CIITA: variants seen among roughly 807,000 people sequenced by gnomAD.
CIITA encodes the protein class II major histocompatibility complex transactivator.
In CIITA, 72 loss-of-function variants were observed where a neutral mutation model predicts 115.1. The ratio of observed to expected loss-of-function variants is 0.63; its 90% confidence interval spans 0.52 to 0.76. The LOEUF (loss-of-function observed/expected upper bound fraction) is 0.76. Ranked by LOEUF, CIITA falls within the 30% of genes least tolerant of loss-of-function variation. The pLI is 0.00. For missense variants in CIITA, 1,617 were observed against 1,463.8 expected (o/e 1.10, Z -1.71); for synonymous variants, 763 against 635.6 (o/e 1.20, Z -3.02).
intron 3 of CIITA, 73 bp from the exon 4 acceptor site, chr16:10,898,597 G>T: frequency 6.9e-7 from 1 of 1,447,470 alleles, no homozygotes; most frequent in South Asian, 1.2e-5. Context: ...AGGTTCCCCA[G>T]CCCAAGGCCT....
intron 1 of CIITA, among the ~76,000 whole-genome samples, chr16:10,880,605 C>T (rs1183223983): frequency 6.6e-6 from 1 of 152,216 alleles, no homozygotes; most frequent in Admixed American, 6.5e-5. Context: ...GGGCAGGTCC[C>T]AGGCAGTCAG....
rs1275549770 is a variant in CIITA, at chr16:10,910,749, A to G, written c.2888+490A>G. On this transcript the variant is annotated intron_variant, in intron 13 of 19. Transcript: ENST00000324288. ...CAACCTTCCATAGGAGGATGCCACT[A>G]TGACTATGGAGTCCTTTTCCCTCCT... Among the ~76,000 whole-genome samples the G allele has an allele frequency of 9.2e-5, 14 of 152,330 alleles. No homozygotes were observed. The East Asian group carries it at 1.9e-3, about 21-fold the overall frequency.
intron 1 of CIITA, among the ~76,000 whole-genome samples, chr16:10,894,044 C>T (rs956843431): frequency 6.6e-4 from 100 of 151,978 alleles, no homozygotes; most frequent in African/African-American, 2.4e-3. Flanking sequence ...TAGAGATAGG[C>T]TTTTGCTATG....
Position 10,917,481 on chromosome 16 carries a change from A to ATTTT in CIITA, c.3063-944_3063-941dup, listed in dbSNP as rs36011152. On this transcript the variant is annotated intron_variant, in intron 15 of 19. Coordinates refer to ENST00000324288, the MANE Select transcript of CIITA (RefSeq NM_000246.4). The stretch of plus-strand genomic sequence containing the variant: ...GAGTCACTGTGCCTGGTTCAATGGG[A>ATTTT]TTTTTTTTTTTTTTTTTTGACACGG... Among the ~76,000 whole-genome samples the ATTTT allele has an allele frequency of 6.8e-5, 9 of 132,822 alleles. No homozygotes were observed. The East Asian group carries it at 6.9e-4, about 10-fold the overall frequency. 87.1% of individuals were successfully genotyped at this position (132,822 alleles called of 152,430 possible).
chr16:10,885,632 C>G (rs886313742), intron 1 of CIITA, among the ~76,000 whole-genome samples: 2 of 152,178 alleles, frequency 1.3e-5, no homozygotes, highest in Non-Finnish European at 2.9e-5. Flanking sequence ...GCTTCTTCCT[C>G]TACATCCAGC....
At chr16:10,876,165 CA>C (rs1413631431), upstream of CIITA, among the ~76,000 whole-genome samples, 4 of 151,672 alleles carry the variant, frequency 2.6e-5, no homozygotes, top group South Asian at 8.3e-4. Context: ...TAAAAAAAAA[CA>C]AAAACAAACA....
At position 10,929,201 on chromosome 16, in the gene CIITA, T is replaced by C. The variant is rs2040666569; in HGVS notation, c.*5346T>C. The C allele has an allele frequency of 1.0e-6, 1 of 985,630 alleles. No individual in the cohort carries two copies. The highest frequency in any genetic ancestry group is 1.7e-5 in the African/African-American group (1 of 57,242). The allele number at this position is 985,630 out of a possible 1,614,324, so 61.1% of individuals were successfully genotyped here. On this transcript the variant is annotated 3_prime_UTR_variant, in exon 20 of 20. Coordinates refer to ENST00000324288, the MANE Select transcript of CIITA (RefSeq NM_000246.4). This position sits in a 1 kb window ranked among gnomAD's most constrained non-coding sequence, Gnocchi z 4.3. ...AGCCTCGGGCTAAACCCAGCTGGCC[T>C]GAAGGCTCAACTCACATCAAACGGA...
chr16:10,922,511 TG>T (rs1165835907), intron 18 of CIITA, 21 bp downstream of exon 18: 4 of 1,612,976 alleles, frequency 2.5e-6, no homozygotes, highest in East Asian at 2.2e-5. Context: ...GCAACCCTGG[TG>T]GGTGGAGAAC....
In CIITA at chr16:10,917,505, G is replaced by A. The variant is rs967289556; in HGVS notation, c.3063-935G>A. The stretch of plus-strand genomic sequence containing the variant: ...GATTTTTTTTTTTTTTTTTTGACAC[G>A]GAGTCTCGCTCTGTAGCCCAGGCTG... On this transcript the variant is annotated intron_variant, in intron 15 of 19. Coordinates refer to ENST00000324288, the MANE Select transcript of CIITA (RefSeq NM_000246.4). Among the ~76,000 whole-genome samples, 52 of 131,600 alleles carry A rather than the reference G, an allele frequency of 4.0e-4. 1 individual carries two copies. Among genetic ancestry groups the A allele is most frequent in the African/African-American group, 7.2e-4 (25 of 34,744 alleles). 86.3% of individuals were successfully genotyped at this position (131,600 alleles called of 152,430 possible).
intron 1 of CIITA, among the ~76,000 whole-genome samples, chr16:10,870,256 A>G (rs1371259100): frequency 2.0e-5 from 3 of 151,752 alleles, no homozygotes; most frequent in African/African-American, 7.3e-5. Context: ...TCTACCCCAA[A>G]TAGGGTGGCA....
chr16:10,904,634 T>C (rs2039013202), intron 9 of CIITA, 110 bp from the exon 10 acceptor site: 4 of 1,099,802 alleles, frequency 3.6e-6, no homozygotes, highest in Admixed American at 1.7e-5. Context: ...ATAACCTCCA[T>C]CTTGGGAAAC....
intron 13 of CIITA, among the ~76,000 whole-genome samples, chr16:10,912,537 G>A (rs1326996022): frequency 6.6e-6 from 1 of 152,308 alleles, no homozygotes; most frequent in African/African-American, 2.4e-5. Context: ...TAAGTGACTT[G>A]CCCGTGGTCC....
At position 10,917,545 on chromosome 16, in the gene CIITA, G is replaced by A. The variant is rs142634895; in HGVS notation, c.3063-895G>A. 3.9e-3 allele frequency among the ~76,000 whole-genome samples: 588 copies of A among 149,582 alleles called. 2 individuals are homozygous for A. The highest frequency in any genetic ancestry group is 0.013 in the African/African-American group (530 of 40,550). On this transcript the variant is annotated intron_variant, in intron 15 of 19. Transcript: ENST00000324288. ...AGCCCAGGCTGGAGTGCAGTGGTAC[G>A]ATCTATTTATTGCAAACTTCACCTC...
intron 1 of CIITA, among the ~76,000 whole-genome samples, chr16:10,891,813 G>T (rs1488455599): frequency 4.6e-5 from 7 of 152,296 alleles, no homozygotes; most frequent in Non-Finnish European, 7.4e-5. Flanking sequence ...AAAGGGCGGT[G>T]GCCCCATCTT....
Position 10,923,468 on chromosome 16 carries a change from C to G in CIITA, c.*22+143C>G, listed in dbSNP as rs571509982. ...ACGCATGCGTCATCAGAGACATCCC[C>G]TCATCTCCACCCTGGGCTCGGTGGA... On this transcript the variant is annotated intron_variant, in intron 19 of 19. Transcript: ENST00000324288. This position sits in a 1 kb window ranked among gnomAD's most constrained non-coding sequence, Gnocchi z 5.2. The G allele has an allele frequency of 1.5e-6, 1 of 677,310 alleles. No individual in the cohort carries two copies. The highest frequency in any genetic ancestry group is 2.7e-6 in the Non-Finnish European group (1 of 376,966). The allele number at this position is 677,310 out of a possible 1,614,324, so 42.0% of individuals were successfully genotyped here. A position where few individuals can be genotyped will look rare whatever the true frequency, so the allele number is the denominator to read the frequency against.
Position 10,901,443 on chromosome 16 carries a change from T to C in CIITA, c.437-71T>C, listed in dbSNP as rs2038742804. 1.3e-6 allele frequency: 2 copies of C among 1,543,344 alleles called. No individual in the cohort carries two copies. The highest frequency in any genetic ancestry group is 9.0e-7 in the Non-Finnish European group (1 of 1,116,636). ...TTGAAGTTAAGGCCGTATAGCCTGC[T>C]AGAGTCCTGAGCCCCTTCTGGCTTG... On this transcript the variant is annotated intron_variant, in intron 5 of 19. Transcript: ENST00000324288. The surrounding 1 kb of genome is among the most constrained non-coding windows in gnomAD (Gnocchi z 6.8).
chr16:10,895,508 T>G, intron 2 of CIITA, 80 bp downstream of exon 2: 1 of 1,598,454 alleles, frequency 6.3e-7, no homozygotes, highest in Non-Finnish European at 8.5e-7. Context: ...GGGGAAATTC[T>G]GGTCCCTGCC....
intron 1 of CIITA, among the ~76,000 whole-genome samples, chr16:10,869,417 T>C (rs868342352): frequency 1.7e-4 from 26 of 152,172 alleles, no homozygotes; most frequent in Admixed American, 7.2e-4. Context: ...AAATTCCTTC[T>C]ATTCTTTGCA....
rs774999334 is a variant in CIITA at position 10,898,988 on chromosome 16, A to C, written c.422A>C (p.Lys141Thr). The change falls in exon 5 of 20, where the codon AAA becomes ACA. Residue 141 changes from lysine to threonine, a missense_variant. Transcript: ENST00000324288. Reference sequence around the variant, plus strand: ...GAGATGCCAGCAGAAGTTGGGCAGAAAAGTCAGAAAAGACGTGAGTGAGCC... The same window carrying C: ...GAGATGCCAGCAGAAGTTGGGCAGACAAGTCAGAAAAGACGTGAGTGAGCC... ...SMEMPAEVGQKSQKRPFPEEL... is the reference protein window; with the variant it reads ...SMEMPAEVGQTSQKRPFPEEL... 31 of 1,613,958 alleles carry C rather than the reference A, an allele frequency of 1.9e-5. No individual in the cohort carries two copies. The highest frequency in any genetic ancestry group is 2.5e-5 in the Non-Finnish European group (29 of 1,180,012).
Sources: allele counts gnomAD v4.1 joint callset (sites outside exome capture counted in the v4.1 genomes callset), GRCh38; gene constraint gnomAD v4.1.1; non-coding constraint Gnocchi (gnomAD v3.1); transcripts MANE v1.5; gene names NCBI Gene and HGNC (gene_info 2026-07-23, HGNC 2026-07-21).